JMJD1C: variants seen among roughly 807,000 people sequenced by gnomAD.
JMJD1C encodes the protein jumonji domain-containing protein 1C.
JMJD1C carries 31 observed loss-of-function variants against 245.3 expected under a neutral mutation model. The ratio of observed to expected loss-of-function variants is 0.13; its 90% CI spans 0.09 to 0.17. The LOEUF is 0.17. JMJD1C is among the 10% of genes least tolerant of loss of function. The pLI, the probability that JMJD1C is intolerant of heterozygous loss-of-function variation, is 1.00. For synonymous variants in JMJD1C, 1,057 were observed against 1,017.4 expected (o/e 1.04, Z -0.74); for missense variants, 2,691 against 3,000.2 (o/e 0.90, Z 2.41).
At chr10:63,465,987 C>G, upstream of JMJD1C, 1 of 311,380 alleles carries the variant, frequency 3.2e-6, no homozygotes, top group Non-Finnish European at 6.0e-6. Flanking sequence ...TGCTCCGTCT[C>G]CCTCCCCGGG....
At position 63,465,560 on chromosome 10, in the gene JMJD1C, G is replaced by C. The variant is rs79181358; in HGVS notation, c.103C>G (p.Arg35Gly). 2.9e-5 allele frequency: 46 copies of C among 1,601,372 alleles called. No homozygotes were observed. In the East Asian group the frequency reaches 8.3e-4, roughly 29 times the overall value. ...CGGATGACCCCCGCTCGCCAGCTTC[G>C]CCAGCCGCGTCCGCTCTCCCAGCGC... ...SERWESGRGWRSWRAGVIRAV... is the reference protein window; with the variant it reads ...SERWESGRGWGSWRAGVIRAV... Residue 35 changes from arginine (R) to glycine (G), a missense_variant, in exon 1 of 26, where the codon CGA becomes GGA. This residue lies in a region of JMJD1C where 135 missense variants were observed against 115.5 expected (regional missense o/e 1.17). Transcript: ENST00000399262.
chr10:63,486,137 TAAAAAAAAAAAAAAA>T lies in JMJD1C; in HGVS notation n.113+35586_113+35600del, dbSNP rs1166721473. Among the ~76,000 whole-genome samples, 153 of 73,294 alleles carry T rather than the reference TAAAAAAAAAAAAAAA, an allele frequency of 2.1e-3. 10 individuals carry two copies. In the South Asian group the frequency reaches 0.065, roughly 31 times the overall value. 48.1% of individuals were successfully genotyped at this position (73,294 alleles called of 152,430 possible). A position where few individuals can be genotyped will look rare whatever the true frequency, so the allele number is the denominator to read the frequency against. ...GAAAGTAAAGGGCTTCAAGCAATTG[TAAAAAAAAAAAAAAA>T]AAAAAAAAAAAAAAAACAAAAAACA... is the stretch of plus-strand genomic sequence containing the variant. On this transcript the variant is annotated intron_variant and non_coding_transcript_variant, in intron 1 of 3. Transcript: ENST00000633035.
In JMJD1C at chr10:63,461,314, T is replaced by C. The variant is rs1952782309; in HGVS notation, c.168+4181A>G. 2.0e-5 allele frequency among the ~76,000 whole-genome samples: 3 copies of C among 152,196 alleles called. 1 individual carries two copies. Among genetic ancestry groups the C allele is most frequent in the South Asian group, 2.1e-4 (1 of 4,836 alleles). On this transcript the variant is annotated intron_variant, in intron 1 of 25. Coordinates refer to ENST00000399262, the MANE Select transcript of JMJD1C (RefSeq NM_032776.3). ...TGACCAATGAAGTAAAAATCATTCA[T>C]TCATTCATACATTCAACATTTTGTA...
chr10:63,304,070 G>T (rs1199723724), intron 2 of JMJD1C, among the ~76,000 whole-genome samples: 3 of 127,460 alleles, frequency 2.4e-5, no homozygotes, highest in Non-Finnish European at 5.4e-5. Flanking sequence ...ACCTGTCTGA[G>T]CAAGGACTTT....
chr10:63,294,281 C>CT (rs879496042), intron 2 of JMJD1C, among the ~76,000 whole-genome samples: 1,614 of 142,904 alleles, frequency 0.011, 27 homozygotes, highest in South Asian at 0.033. Flanking sequence ...TCAGTTCAAT[C>CT]TTTTTTTTTT....
At chr10:63,335,603 C>T (rs1223725719) in intron 2 of JMJD1C, among the ~76,000 whole-genome samples, 1 of 152,148 alleles carries the variant, frequency 6.6e-6, no homozygotes, top group Admixed American at 6.5e-5. Flanking sequence ...GCTCCGCCTC[C>T]AGGGTTCAAG....
intron 16 of JMJD1C, 32 bp from the exon 17 acceptor site, chr10:63,191,140 GT>G: frequency 6.4e-7 from 1 of 1,572,782 alleles, no homozygotes; most frequent in Middle Eastern, 1.7e-4. Flanking sequence ...ATTTTGTTTT[GT>G]TTTGTTTTGA....
chr10:63,334,518 T>A (rs1942488759), intron 2 of JMJD1C, among the ~76,000 whole-genome samples: 1 of 152,072 alleles, frequency 6.6e-6, no homozygotes, highest in Non-Finnish European at 1.5e-5. Flanking sequence ...GCTTAGGAGT[T>A]CAAGACCCGC....
At chr10:63,288,065 G>A (rs1327145554) in intron 2 of JMJD1C, among the ~76,000 whole-genome samples, 1 of 152,112 alleles carries the variant, frequency 6.6e-6, no homozygotes, top group Non-Finnish European at 1.5e-5. Flanking sequence ...ATTTTTTGTA[G>A]AGACAGGTTC....
chr10:63,174,791 G>A (rs1165251430), intron 24 of JMJD1C, among the ~76,000 whole-genome samples: 2 of 151,712 alleles, frequency 1.3e-5, no homozygotes, highest in South Asian at 2.1e-4. Context: ...CCAAGATCGC[G>A]CCACTGAGCT....
At chr10:63,396,482 G>A (rs1948494602) in intron 1 of JMJD1C, among the ~76,000 whole-genome samples, 1 of 152,182 alleles carries the variant, frequency 6.6e-6, no homozygotes, top group South Asian at 2.1e-4. Context: ...GGGTGAGAAA[G>A]CAGCTATAGA....
Position 63,200,484 on chromosome 10 carries a change from G to A in JMJD1C, c.5268C>T (p.Tyr1756=), listed in dbSNP as rs747051989. Residue 1756 remains tyrosine, a synonymous_variant, in exon 11 of 26, where the codon TAC becomes TAT. Transcript: ENST00000399262. ...AHSPVFCRFY[Y]FRRLSFSKNG... ...CTCATATTTTCACTTACCGTCTAAA[G>A]TAGTAAAATCTACAAAATACTGGTG... 11 of 1,610,412 alleles carry A rather than the reference G, an allele frequency of 6.8e-6. No homozygotes were observed. Among genetic ancestry groups the A allele is most frequent in the Middle Eastern group, 1.6e-4 (1 of 6,068 alleles).
At chr10:63,356,748 C>T (rs922433099) in intron 2 of JMJD1C, among the ~76,000 whole-genome samples, 2 of 152,112 alleles carry the variant, frequency 1.3e-5, no homozygotes, top group African/African-American at 4.8e-5. Context: ...GAAGGGAAGG[C>T]AAGTCTGAGA....
chr10:63,495,906 A>G (rs1302986340), intron 1 of JMJD1C, among the ~76,000 whole-genome samples: 1 of 151,976 alleles, frequency 6.6e-6, no homozygotes, highest in Non-Finnish European at 1.5e-5. Context: ...AGAAGAAATT[A>G]TATTTTTAAA....
chr10:63,334,126 A>G (rs1015554881), intron 2 of JMJD1C, among the ~76,000 whole-genome samples: 1 of 152,218 alleles, frequency 6.6e-6, no homozygotes, highest in African/African-American at 2.4e-5. Context: ...GGTGGTAGAC[A>G]TACTCCATTA....
chr10:63,222,387 C>G (rs1018516733), intron 3 of JMJD1C: 21 of 969,958 alleles, frequency 2.2e-5, no homozygotes, highest in African/African-American at 3.2e-5. Flanking sequence ...GGATGTCATC[C>G]TACAAGATGT....
In JMJD1C at chr10:63,223,065, A is replaced by G. The variant is rs566650397; in HGVS notation, c.448-3082T>C. On this transcript the variant is annotated intron_variant, in intron 3 of 25. Coordinates refer to ENST00000399262, the MANE Select transcript of JMJD1C (RefSeq NM_032776.3). Reference sequence around the variant, plus strand: ...GGAATATAATTGGTATATGTCTTCCACTTTCCATCATGTATGTAAAATTTC... The same window carrying G: ...GGAATATAATTGGTATATGTCTTCCGCTTTCCATCATGTATGTAAAATTTC... The G allele has an allele frequency of 1.6e-4, 160 of 989,956 alleles. 2 individuals carry two copies. The South Asian group carries it at 2.3e-3, about 14-fold the overall frequency. The allele number at this position is 989,956 out of a possible 1,614,324, so 61.3% of individuals were successfully genotyped here.
At chr10:63,228,516 GT>G (rs1460299943) in intron 3 of JMJD1C, among the ~76,000 whole-genome samples, 4 of 152,054 alleles carry the variant, frequency 2.6e-5, no homozygotes, top group African/African-American at 9.7e-5. Context: ...GGGAGATCCT[GT>G]CTCTAAAAAA....
intron 1 of JMJD1C, among the ~76,000 whole-genome samples, chr10:63,510,271 G>A (rs541883170): frequency 7.9e-5 from 12 of 152,180 alleles, no homozygotes; most frequent in Non-Finnish European, 1.3e-4. Context: ...CCAAAGTGCT[G>A]GGACTACAGG....
Sources: gnomAD v4.1 joint callset for allele counts (sites outside exome capture counted in the v4.1 genomes callset) on GRCh38, gnomAD v4.1.1 for gene constraint, gnomAD v4.1.1 regional missense constraint, MANE v1.5 for transcripts, NCBI Gene and HGNC (gene_info 2026-07-23, HGNC 2026-07-21) for gene names.